Variants in SETD2 observed in about 807,000 individuals in gnomAD.
SETD2 encodes histone-lysine N-methyltransferase SETD2.
In SETD2, 31 loss-of-function variants were observed where a neutral mutation model predicts 242.1. That is an observed-to-expected ratio of 0.13 (90% CI 0.10 to 0.17). The LOEUF (loss-of-function observed/expected upper bound fraction) is 0.17. SETD2 is among the 10% of genes least tolerant of loss of function. SETD2 has a pLI of 1.00. For missense variants in SETD2, 2,481 were observed against 3,046.3 expected (o/e 0.81, Z 4.37); for synonymous variants, 1,006 against 1,066.5 (o/e 0.94, Z 1.11).
intron 3 of SETD2, among the ~76,000 whole-genome samples, chr3:47,118,582 G>A (rs551377741): frequency 4.0e-5 from 6 of 151,414 alleles, no homozygotes; most frequent in East Asian, 1.9e-4. Context: ...TTAGCTGGGC[G>A]TGGTGGCACC....
intron 9 of SETD2, among the ~76,000 whole-genome samples, chr3:47,096,679 C>T (rs751504189): frequency 6.6e-6 from 1 of 151,192 alleles, no homozygotes. Context: ...GCCAGGAGTT[C>T]AAGGCTGCAG....
At chr3:47,101,697 G>A (rs1258990156) in intron 7 of SETD2, 142 bp from the exon 8 acceptor site, 1 of 496,086 alleles carries the variant, frequency 2.0e-6, no homozygotes, top group African/African-American at 2.0e-5. Context: ...GGCAATGAAG[G>A]TTTTCCCAAA....
chr3:47,036,877 G>A (rs910268422), intron 18 of SETD2, among the ~76,000 whole-genome samples: 5 of 137,768 alleles, frequency 3.6e-5, no homozygotes, highest in South Asian at 4.5e-4. Flanking sequence ...ACTCCAGCCC[G>A]GGCAACAGAG....
chr3:47,112,406 C>G (rs934240145), intron 5 of SETD2, among the ~76,000 whole-genome samples: 11 of 152,144 alleles, frequency 7.2e-5, no homozygotes, highest in Non-Finnish European at 1.6e-4. Context: ...CTCAGCCCCT[C>G]AAGTAACTGG....
At chr3:47,117,036 T>C (rs2042881817) in intron 3 of SETD2, among the ~76,000 whole-genome samples, 2 of 151,886 alleles carry the variant, frequency 1.3e-5, no homozygotes, top group African/African-American at 4.8e-5. Flanking sequence ...TGTTTGTTCT[T>C]TAATATTCTG....
chr3:47,109,671 G>A (rs972024676), intron 5 of SETD2, among the ~76,000 whole-genome samples: 1 of 151,932 alleles, frequency 6.6e-6, no homozygotes, highest in Non-Finnish European at 1.5e-5. Context: ...AAAATGTGGA[G>A]GGGAAAGATG....
chr3:47,150,507 G>C (rs72895783), intron 1 of SETD2, among the ~76,000 whole-genome samples: 9,635 of 151,982 alleles, frequency 0.063, 1,034 homozygotes, highest in African/African-American at 0.22. Context: ...TTAGTTTAAG[G>C]ATTACCCATC....
intron 18 of SETD2, among the ~76,000 whole-genome samples, chr3:47,033,883 C>T (rs1244594464): frequency 1.3e-5 from 2 of 152,072 alleles, no homozygotes; most frequent in African/African-American, 2.4e-5. Context: ...GTTGGCCAGG[C>T]TGGTCTCAAA....
At position 47,017,145 on chromosome 3, in the gene SETD2, A is replaced by G. The variant is rs1015979303; in HGVS notation, c.7643T>C (p.Met2548Thr). 1.9e-6 allele frequency: 3 copies of G among 1,614,132 alleles called. No homozygotes were observed. Among genetic ancestry groups the G allele is most frequent in the Non-Finnish European group, 2.5e-6 (3 of 1,180,018 alleles). ...HKTKEYIKKY[M>T]QKFGAVYKPK... ...TTTGTAAACAGCCCCAAACTTCTGCATGTACTTCTTAATGTACTCCTTGGT... is the reference window on the plus strand; with the variant it reads ...TTTGTAAACAGCCCCAAACTTCTGCGTGTACTTCTTAATGTACTCCTTGGT... The change falls in exon 21 of 21, where the codon ATG becomes ACG. Residue 2548 changes from methionine (M) to threonine (T), a missense_variant. Physicochemically the swap from Met to Thr is moderately conservative, Grantham distance 81. Coordinates refer to ENST00000409792, the MANE Select transcript of SETD2 (RefSeq NM_014159.7). The surrounding 1 kb of genome is among the most constrained non-coding windows in gnomAD (Gnocchi z 4.8).
intron 15 of SETD2, among the ~76,000 whole-genome samples, chr3:47,052,537 C>T (rs2039890900): frequency 6.6e-6 from 1 of 152,074 alleles, no homozygotes; most frequent in South Asian, 2.1e-4. Flanking sequence ...ACAAATGTGG[C>T]CAGGCATGGT....
chr3:47,113,756 T>C (rs931619556), intron 5 of SETD2, 120 bp downstream of exon 5: 6 of 888,778 alleles, frequency 6.8e-6, no homozygotes, highest in Non-Finnish European at 1.0e-5. Context: ...GGAGAATTGC[T>C]TGAATCCGGG....
chr3:47,083,552 C>A (rs2041406718), intron 12 of SETD2, among the ~76,000 whole-genome samples, 168 bp downstream of exon 12: 1 of 152,094 alleles, frequency 6.6e-6, no homozygotes, highest in Non-Finnish European at 1.5e-5. Context: ...ATGACTCTTG[C>A]CACGGTTTAG....
chr3:47,095,293 G>A (rs1203121951), intron 9 of SETD2, among the ~76,000 whole-genome samples: 2 of 151,934 alleles, frequency 1.3e-5, no homozygotes, highest in Non-Finnish European at 1.5e-5. Flanking sequence ...CCGCCACCAC[G>A]CCCAGCAAAT....
intron 2 of SETD2, among the ~76,000 whole-genome samples, chr3:47,125,111 G>A (rs913706654): frequency 6.6e-6 from 1 of 152,034 alleles, no homozygotes; most frequent in Non-Finnish European, 1.5e-5. Context: ...TTGAGGTCAG[G>A]AGTTCGAGAC....
At chr3:47,032,960 G>A (rs567677192) in intron 18 of SETD2, among the ~76,000 whole-genome samples, 1 of 151,552 alleles carries the variant, frequency 6.6e-6, no homozygotes, top group African/African-American at 2.4e-5. Flanking sequence ...CTTTCCACAA[G>A]TACTTGTCAA....
intron 2 of SETD2, among the ~76,000 whole-genome samples, chr3:47,125,405 T>C (rs2043291238): frequency 6.6e-6 from 1 of 152,126 alleles, no homozygotes; most frequent in Non-Finnish European, 1.5e-5. Flanking sequence ...CAACGAGCTA[T>C]TGAGCTCTAA....
In SETD2 at chr3:47,121,052, G is replaced by C. The variant is rs2107749135; in HGVS notation, c.3584C>G (p.Pro1195Arg). The change falls in exon 3 of 21, where the codon CCT becomes CGT. Residue 1195 changes from proline to arginine, a missense_variant. Pro to Arg is a moderately radical substitution (Grantham distance 103, BLOSUM62 -2). This residue lies in a region of SETD2 where 1,300 missense variants were observed against 1,259.2 expected (regional missense o/e 1.03). Coordinates refer to ENST00000409792, the MANE Select transcript of SETD2 (RefSeq NM_014159.7). Reference sequence around the variant, plus strand: ...TGGCAGCTCTTCTTGCTGCCTAGAAGGTATTTTGGCTTTCACGGTTTCCTC... The same window carrying C: ...TGGCAGCTCTTCTTGCTGCCTAGAACGTATTTTGGCTTTCACGGTTTCCTC... ...NSEETVKAKI[P>R]SRQQEELPIY... The C allele has an allele frequency of 6.2e-7, 1 of 1,614,176 alleles. No individual in the cohort carries two copies. Among genetic ancestry groups the C allele is most frequent in the South Asian group, 1.1e-5 (1 of 91,086 alleles).
At chr3:47,083,643 T>C in intron 12 of SETD2, 77 bp downstream of exon 12, 2 of 1,327,974 alleles carry the variant, frequency 1.5e-6, no homozygotes, top group Non-Finnish European at 2.1e-6. Flanking sequence ...CTAAAAAAAG[T>C]AGTTAATTTT....
intron 17 of SETD2, among the ~76,000 whole-genome samples, chr3:47,039,568 TAAAAAAC>T (rs893225785): frequency 6.6e-6 from 1 of 151,044 alleles, no homozygotes; most frequent in African/African-American, 2.4e-5. Context: ...GTTTTGGTGT[TAAAAAAC>T]AAAGTTCTGG....
Sources: allele counts gnomAD v4.1 joint callset (sites outside exome capture counted in the v4.1 genomes callset), GRCh38; gene constraint gnomAD v4.1.1; regional missense constraint gnomAD v4.1.1; non-coding constraint Gnocchi (gnomAD v3.1); transcripts MANE v1.5; gene names NCBI Gene and HGNC (gene_info 2026-07-23, HGNC 2026-07-21).